KCNC2: variants seen among roughly 807,000 people sequenced by gnomAD.
KCNC2 encodes the protein voltage-gated potassium channel KCNC2.
In KCNC2, 21 loss-of-function variants were observed where a neutral mutation model predicts 44.5. That is an observed-to-expected ratio of 0.47 (90% CI 0.33 to 0.68). The LOEUF is 0.68. KCNC2 is among the 30% of genes least tolerant of loss of function. The probability of loss-of-function intolerance (pLI) is 0.01; values close to 1 mark genes in which losing one functional copy is unlikely to be tolerated. For missense variants in KCNC2, 589 were observed against 826.2 expected (o/e 0.71, Z 3.52); for synonymous variants, 391 against 339.1 (o/e 1.15, Z -1.68).
chr12:75,130,781 T>TA (rs1224440806), intron 2 of KCNC2, among the ~76,000 whole-genome samples: 24,557 of 122,436 alleles, frequency 0.2, 2,390 homozygotes, highest in Middle Eastern at 0.29. Context: ...CTCCTAGTAA[T>TA]AAAAAAAAAA....
intron 2 of KCNC2, among the ~76,000 whole-genome samples, chr12:75,191,652 G>A (rs933157087): frequency 1.4e-5 from 2 of 144,152 alleles, no homozygotes; most frequent in African/African-American, 5.1e-5. Flanking sequence ...CCGGGTTCAC[G>A]CCATTCTCCT....
chr12:75,085,441 A>G (rs1477023633), intron 2 of KCNC2, among the ~76,000 whole-genome samples: 2 of 152,060 alleles, frequency 1.3e-5, no homozygotes, highest in Non-Finnish European at 2.9e-5. Flanking sequence ...ACCAGGTACT[A>G]TGCTATGCAT....
intron 2 of KCNC2, among the ~76,000 whole-genome samples, chr12:75,059,198 T>C (rs1222610320): frequency 6.6e-6 from 1 of 152,144 alleles, no homozygotes; most frequent in African/African-American, 2.4e-5. Context: ...TGATTGGCTG[T>C]GTAATTGGAA....
intron 2 of KCNC2, among the ~76,000 whole-genome samples, chr12:75,104,445 G>A (rs1356544274): frequency 3.3e-5 from 5 of 152,090 alleles, no homozygotes; most frequent in South Asian, 2.1e-4. Flanking sequence ...TGTAACCACC[G>A]AAAGTGAAGC....
chr12:75,107,711 GA>G (rs35026221), intron 2 of KCNC2, among the ~76,000 whole-genome samples: 58,151 of 150,974 alleles, frequency 0.39, 12,187 homozygotes, highest in African/African-American at 0.55. Context: ...GATGGCAACT[GA>G]AAAAAAAATC....
chr12:75,113,351 C>G (rs1211973847), intron 2 of KCNC2, among the ~76,000 whole-genome samples: 1 of 152,124 alleles, frequency 6.6e-6, no homozygotes, highest in Non-Finnish European at 1.5e-5. Flanking sequence ...AAGCTGAATT[C>G]TCAACCTTGA....
chr12:75,132,239 A>AT (rs1202007342), intron 2 of KCNC2, among the ~76,000 whole-genome samples: 4 of 152,190 alleles, frequency 2.6e-5, no homozygotes, highest in African/African-American at 9.7e-5. Flanking sequence ...TATAATAAAT[A>AT]TAAAAAAATT....
At chr12:75,104,942 T>A (rs1185870709) in intron 2 of KCNC2, among the ~76,000 whole-genome samples, 1 of 152,114 alleles carries the variant, frequency 6.6e-6, no homozygotes, top group African/African-American at 2.4e-5. Flanking sequence ...TTCAACAAAT[T>A]TTTTTAGTAT....
intron 2 of KCNC2, among the ~76,000 whole-genome samples, chr12:75,070,259 G>A (rs1353918262): frequency 1.3e-5 from 2 of 151,986 alleles, no homozygotes; most frequent in Non-Finnish European, 2.9e-5. Context: ...AGACCAGTCT[G>A]GCCAACATGG....
At chr12:75,131,448 T>C (rs1888837577) in intron 2 of KCNC2, among the ~76,000 whole-genome samples, 1 of 152,094 alleles carries the variant, frequency 6.6e-6, no homozygotes, top group South Asian at 2.1e-4. Flanking sequence ...CTCAGACTTG[T>C]GAATTTGTTA....
chr12:75,082,706 C>CA (rs1256144474), intron 2 of KCNC2, among the ~76,000 whole-genome samples: 1 of 151,110 alleles, frequency 6.6e-6, no homozygotes, highest in Non-Finnish European at 1.5e-5. Context: ...ACTTTGTAAC[C>CA]AAATAAAATT....
At chr12:75,056,915 C>T (rs1297030918) in intron 2 of KCNC2, among the ~76,000 whole-genome samples, 2 of 151,844 alleles carry the variant, frequency 1.3e-5, no homozygotes, top group African/African-American at 4.8e-5. Flanking sequence ...TTACATACAA[C>T]TAATAAAGCA....
At chr12:75,119,829 G>A (rs1333614381) in intron 2 of KCNC2, among the ~76,000 whole-genome samples, 2 of 152,156 alleles carry the variant, frequency 1.3e-5, no homozygotes, top group African/African-American at 2.4e-5. Flanking sequence ...AAAAAGTTTA[G>A]TGTAATATTT....
intron 2 of KCNC2, among the ~76,000 whole-genome samples, chr12:75,070,708 A>G (rs1394771013): frequency 6.6e-6 from 1 of 151,884 alleles, no homozygotes; most frequent in Non-Finnish European, 1.5e-5. Flanking sequence ...AATATATTTT[A>G]TTTATATTCA....
At chr12:75,050,280 G>A (rs1238766353) in intron 3 of KCNC2, 110 bp downstream of exon 3, 6 of 807,022 alleles carry the variant, frequency 7.4e-6, no homozygotes, top group African/African-American at 5.2e-5. Flanking sequence ...GAAAGGGTTA[G>A]GGCTGAAAAC....
chr12:75,137,057 G>T (rs1416070001), intron 2 of KCNC2, among the ~76,000 whole-genome samples: 3 of 151,980 alleles, frequency 2.0e-5, no homozygotes, highest in Non-Finnish European at 4.4e-5. Flanking sequence ...AGTACCTTTT[G>T]AAAATACCTT....
intron 2 of KCNC2, among the ~76,000 whole-genome samples, chr12:75,109,659 T>C (rs1238794781): frequency 6.6e-6 from 1 of 152,026 alleles, no homozygotes; most frequent in Non-Finnish European, 1.5e-5. Context: ...GGAACAAAAT[T>C]CTATTGAGTT....
intron 2 of KCNC2, among the ~76,000 whole-genome samples, chr12:75,061,609 AC>A (rs1555204237): frequency 7.9e-6 from 1 of 125,872 alleles, no homozygotes; most frequent in East Asian, 2.3e-4. Flanking sequence ...ACACACACAC[AC>A]ACAAAACACA....
intron 2 of KCNC2, among the ~76,000 whole-genome samples, chr12:75,130,156 A>AT (rs1486273892): frequency 6.6e-6 from 1 of 152,166 alleles, no homozygotes; most frequent in Non-Finnish European, 1.5e-5. Context: ...TCCCAAAGAG[A>AT]TTAGAAACTA....
Sources: allele counts gnomAD v4.1 joint callset (sites outside exome capture counted in the v4.1 genomes callset), GRCh38; gene constraint gnomAD v4.1.1; transcripts MANE v1.5; gene names NCBI Gene and HGNC (gene_info 2026-07-23, HGNC 2026-07-21).